CYTH3: variants seen among roughly 807,000 people sequenced by gnomAD.
CYTH3 encodes cytohesin 3, also known as cytohesin-3.
A neutral mutation model predicts 55.1 loss-of-function variants in CYTH3; 23 were observed. That is an observed-to-expected ratio of 0.42 (90% CI 0.30 to 0.59). CYTH3 has a LOEUF of 0.59. CYTH3 is among the 20% of genes least tolerant of loss of function. CYTH3 has a pLI of 0.20. For synonymous variants in CYTH3, 249 were observed against 194.9 expected, an observed-to-expected ratio of 1.28 and a Z score of -2.31; for missense variants, 413 against 524.8, an observed-to-expected ratio of 0.79 and a Z score of 2.08.
chr7:6,169,998 C>T lies in CYTH3; in HGVS notation c.823+537G>A, dbSNP rs532817209. 3.8e-5 allele frequency: 6 copies of T among 159,494 alleles called. No individual in the cohort carries two copies. The South Asian group carries it at 1.1e-3, about 30-fold the overall frequency. 9.9% of individuals were successfully genotyped at this position (159,494 alleles called of 1,614,324 possible). ...ATGGATCGGATGAATGGCAGCCACA[C>T]AGCGGAGCTCACACAGACCAACGTG... is the stretch of plus-strand genomic sequence containing the variant. On this transcript the variant is annotated intron_variant, in intron 9 of 12. Transcript: ENST00000350796. The surrounding 1 kb of genome is among the most constrained non-coding windows in gnomAD (Gnocchi z 4.1).
At chr7:6,221,925 A>T (rs1378657119) in intron 1 of CYTH3, among the ~76,000 whole-genome samples, 1 of 152,152 alleles carries the variant, frequency 6.6e-6, no homozygotes, top group East Asian at 1.9e-4. Flanking sequence ...GCACTCCAGC[A>T]TGGGTAACAG....
intron 1 of CYTH3, among the ~76,000 whole-genome samples, chr7:6,207,156 G>A (rs1471664063): frequency 2.8e-5 from 4 of 141,354 alleles, no homozygotes; most frequent in East Asian, 2.3e-4. Flanking sequence ...GTGCAGTGGC[G>A]CGATCTTGGC....
In CYTH3 at chr7:6,187,153, G is replaced by A. The variant is rs371383037; in HGVS notation, c.183-37C>T. The A allele has an allele frequency of 8.8e-6, 14 of 1,596,448 alleles. 1 individual carries two copies. Among genetic ancestry groups the A allele is most frequent in the African/African-American group, 6.7e-5 (5 of 74,718 alleles). ...AAATAATTTAAAAATCACTCATGCT[G>A]TTTTCACAATGCAGCCCAGTCACGG... is the stretch of plus-strand genomic sequence containing the variant. On this transcript the variant is annotated intron_variant, in intron 3 of 12. Coordinates refer to ENST00000350796, the MANE Select transcript of CYTH3 (RefSeq NM_004227.4).
chr7:6,177,395 C>G (rs1023273625), intron 5 of CYTH3, among the ~76,000 whole-genome samples: 2 of 152,234 alleles, frequency 1.3e-5, no homozygotes, highest in African/African-American at 2.4e-5. Flanking sequence ...GAAAGTAAAT[C>G]TGACCTGCTG....
chr7:6,194,644 T>C (rs969397184), intron 1 of CYTH3, among the ~76,000 whole-genome samples: 7 of 151,826 alleles, frequency 4.6e-5, no homozygotes, highest in Admixed American at 3.9e-4. Flanking sequence ...CAACAGAAGA[T>C]ATGTACCAAT....
In CYTH3 at chr7:6,164,005, G is replaced by A. The variant is rs911431077; in HGVS notation, c.*939C>T. The A allele has an allele frequency of 6.6e-6, 1 of 152,212 alleles. No homozygotes were observed. Among genetic ancestry groups the A allele is most frequent in the Admixed American group, 6.5e-5 (1 of 15,280 alleles). 9.4% of individuals were successfully genotyped at this position (152,212 alleles called of 1,614,324 possible). A position where few individuals can be genotyped will look rare whatever the true frequency, so the allele number is the denominator to read the frequency against. ...ACCATCTGTGTCCAGGGAAAAGGCT[G>A]TTTCCTAGGAGTTAGCAGTTACAGC... On this transcript the variant is annotated 3_prime_UTR_variant, in exon 13 of 13. Coordinates refer to ENST00000350796, the MANE Select transcript of CYTH3 (RefSeq NM_004227.4).
In CYTH3 at chr7:6,167,865, G is replaced by A. The variant is rs1190662224; in HGVS notation, c.824-2055C>T. On this transcript the variant is annotated intron_variant, in intron 9 of 12. Coordinates refer to ENST00000350796, the MANE Select transcript of CYTH3 (RefSeq NM_004227.4). The surrounding 1 kb of genome is among the most constrained non-coding windows in gnomAD (Gnocchi z 5.5). ...GCCCCGCCTGGGAGGGGTCTGCCAG[G>A]TGGCCTCTCAGCTCCACCTTGGGTC... Among the ~76,000 whole-genome samples, 1 of 152,226 alleles carries A rather than the reference G, an allele frequency of 6.6e-6. No homozygotes were observed. The highest frequency in any genetic ancestry group is 2.4e-5 in the African/African-American group (1 of 41,454).
intron 1 of CYTH3, among the ~76,000 whole-genome samples, chr7:6,239,342 T>C (rs1395162882): frequency 6.6e-6 from 1 of 152,120 alleles, no homozygotes; most frequent in Non-Finnish European, 1.5e-5. Flanking sequence ...CCCGTCTCCA[T>C]CCCCAGCTCT....
intron 1 of CYTH3, among the ~76,000 whole-genome samples, chr7:6,225,297 G>T (rs1779219381): frequency 6.6e-6 from 1 of 151,976 alleles, no homozygotes; most frequent in Non-Finnish European, 1.5e-5. Context: ...GGATACAAAG[G>T]TCAAGGTATG....
rs75248728 is a variant in CYTH3 at position 6,183,155 on chromosome 7, G to A, written c.249+3895C>T. Among the ~76,000 whole-genome samples, 761 of 152,326 alleles carry A rather than the reference G, an allele frequency of 5.0e-3. 35 individuals carry two copies. In the East Asian group the frequency reaches 0.11, roughly 21 times the overall value. On this transcript the variant is annotated intron_variant, in intron 4 of 12. Transcript: ENST00000350796. Reference sequence around the variant, plus strand: ...CCACCTGGAGACACAATCACTGCTAGACACAAGGTCAGGAGAGCGTGACCA... The same window carrying A: ...CCACCTGGAGACACAATCACTGCTAAACACAAGGTCAGGAGAGCGTGACCA...
chr7:6,183,415 A>C (rs1205636621), intron 4 of CYTH3, among the ~76,000 whole-genome samples: 1 of 152,222 alleles, frequency 6.6e-6, no homozygotes, highest in African/African-American at 2.4e-5. Flanking sequence ...CATTTCTAGG[A>C]AATCAGGAAT....
chr7:6,241,728 G>C (rs1779677729), intron 1 of CYTH3, among the ~76,000 whole-genome samples: 1 of 152,064 alleles, frequency 6.6e-6, no homozygotes, highest in Non-Finnish European at 1.5e-5. Context: ...AAAAGTGGTG[G>C]GGTTGCAGTG....
chr7:6,272,410 G>GGGGGGGGGGGCCCCCC, intron 1 of CYTH3, 64 bp downstream of exon 1: 2 of 1,216,612 alleles, frequency 1.6e-6, no homozygotes, highest in Non-Finnish European at 2.1e-6. Flanking sequence ...CCGCGCCCTC[G>GGGGGGGGGGGCCCCCC]ACCCCCAGCC....
intron 1 of CYTH3, among the ~76,000 whole-genome samples, chr7:6,233,630 TG>T (rs1226198896): frequency 3.6e-5 from 5 of 139,740 alleles, no homozygotes; most frequent in Middle Eastern, 8.1e-3. Flanking sequence ...CACTCCAGCC[TG>T]GGTGACAGAG....
intron 5 of CYTH3, 113 bp downstream of exon 5, chr7:6,177,710 G>T: frequency 1.3e-6 from 1 of 791,638 alleles, no homozygotes; most frequent in Non-Finnish European, 2.1e-6. Context: ...CCCACAGCCC[G>T]TGGCTCTATC....
At chr7:6,266,428 C>T (rs1780495152) in intron 1 of CYTH3, among the ~76,000 whole-genome samples, 2 of 152,172 alleles carry the variant, frequency 1.3e-5, no homozygotes, top group Non-Finnish European at 2.9e-5. Context: ...TAAATATTAG[C>T]TAAAATTATT....
At chr7:6,213,464 TACA>T (rs758630362) in intron 1 of CYTH3, among the ~76,000 whole-genome samples, 3 of 152,194 alleles carry the variant, frequency 2.0e-5, no homozygotes, top group East Asian at 1.9e-4. Flanking sequence ...GGTGCCTATC[TACA>T]ACAACGACGG....
chr7:6,203,863 C>A (rs1042792116), intron 1 of CYTH3, among the ~76,000 whole-genome samples: 10 of 151,910 alleles, frequency 6.6e-5, no homozygotes, highest in Non-Finnish European at 1.5e-4. Context: ...GGACTACAGG[C>A]GCCTGCCACC....
intron 1 of CYTH3, among the ~76,000 whole-genome samples, chr7:6,246,406 C>A (rs1200465940): frequency 6.6e-6 from 1 of 152,014 alleles, no homozygotes; most frequent in Non-Finnish European, 1.5e-5. Context: ...TTTACAAAAC[C>A]AAATACCATA....
Sources: gnomAD v4.1 joint callset for allele counts (sites outside exome capture counted in the v4.1 genomes callset) on GRCh38, gnomAD v4.1.1 for gene constraint, Gnocchi (gnomAD v3.1) non-coding constraint, MANE v1.5 for transcripts, NCBI Gene and HGNC (gene_info 2026-07-23, HGNC 2026-07-21) for gene names.